The following HMCN1 variants were observed in gnomAD, a reference collection of about 807,000 sequenced individuals.
The protein encoded by HMCN1 is hemicentin 1, also known as hemicentin-1.
HMCN1 carries 321 observed loss-of-function variants against 625.9 expected under a neutral mutation model. That is an observed-to-expected ratio of 0.51 (90% CI 0.47 to 0.56). The LOEUF (loss-of-function observed/expected upper bound fraction) is 0.56, where lower values mean the gene tolerates loss of function less well. Ranked by LOEUF, HMCN1 falls within the 20% of genes least tolerant of loss-of-function variation. HMCN1 has a pLI of 0.00. For missense variants in HMCN1, 6,588 were observed against 6,887.3 expected (o/e 0.96, Z 1.54); for synonymous variants, 2,425 against 2,417.6 (o/e 1.00, Z -0.09).
At chr1:185,916,057 C>T (rs73062161) in intron 6 of HMCN1, among the ~76,000 whole-genome samples, 13,886 of 150,468 alleles carry the variant, frequency 0.092, 2,116 homozygotes, top group African/African-American at 0.32. Context: ...TGTGCATATG[C>T]GTGTGTGCAT....
chr1:186,153,108 ATTTG>A (rs1333467882), intron 96 of HMCN1, among the ~76,000 whole-genome samples: 6 of 152,236 alleles, frequency 3.9e-5, no homozygotes, highest in Non-Finnish European at 8.8e-5. Flanking sequence ...GATGTAAGGC[ATTTG>A]TTTAATTTTC....
chr1:186,061,058 C>G (rs545915254), intron 46 of HMCN1, among the ~76,000 whole-genome samples: 2 of 152,226 alleles, frequency 1.3e-5, no homozygotes, highest in East Asian at 1.9e-4. Flanking sequence ...TTTTCTCCAC[C>G]TGCTCTGCTT....
chr1:186,001,574 G>T lies in HMCN1; in HGVS notation c.4201-20G>T. Reference sequence around the variant, plus strand: ...TTTTATTAGGATTGGAAATAACACTGACCATTTTGGCCCTTAAAGGTGACT... The same window carrying T: ...TTTTATTAGGATTGGAAATAACACTTACCATTTTGGCCCTTAAAGGTGACT... On this transcript the variant is annotated intron_variant, in intron 27 of 106. Coordinates refer to ENST00000271588, the MANE Select transcript of HMCN1 (RefSeq NM_031935.3). 1.2e-6 allele frequency: 2 copies of T among 1,612,560 alleles called. No homozygotes were observed. Among genetic ancestry groups the T allele is most frequent in the South Asian group, 1.1e-5 (1 of 90,972 alleles).
intron 6 of HMCN1, among the ~76,000 whole-genome samples, chr1:185,915,055 T>A (rs752116366): frequency 6.6e-5 from 10 of 152,052 alleles, no homozygotes; most frequent in African/African-American, 9.7e-5. Context: ...TTTCTTTTCT[T>A]CTGTGATTTT....
Position 185,928,580 on chromosome 1 carries a change from G to T in HMCN1, c.1465G>T (p.Val489Phe), listed in dbSNP as rs779498240. Residue 489 changes from valine (V) to phenylalanine (F), a missense_variant, in exon 10 of 107, where the codon GTC (valine) becomes TTC (phenylalanine). By Grantham distance (50) the Val-to-Phe change is conservative. This residue lies in a region of HMCN1 where 4,628 missense variants were observed against 4,853.1 expected (regional missense o/e 0.95). Coordinates refer to ENST00000271588, the MANE Select transcript of HMCN1 (RefSeq NM_031935.3). ...CAGTGTGAACTTAGATATTGCAAAGGTCACTTTGTCTGACGAAGGTTTCTA... is the reference window on the plus strand; with the variant it reads ...CAGTGTGAACTTAGATATTGCAAAGTTCACTTTGTCTGACGAAGGTTTCTA... ...SASVNLDIAKVTLSDEGFYEC... is the reference protein window; with the variant it reads ...SASVNLDIAKFTLSDEGFYEC... 3 of 1,612,890 alleles carry T rather than the reference G, an allele frequency of 1.9e-6. No individual in the cohort carries two copies. Among genetic ancestry groups the T allele is most frequent in the Admixed American group, 1.7e-5 (1 of 59,996 alleles).
At chr1:185,898,881 C>G (rs1326599946) in intron 4 of HMCN1, among the ~76,000 whole-genome samples, 1 of 137,252 alleles carries the variant, frequency 7.3e-6, no homozygotes, top group African/African-American at 3.4e-5. Context: ...GGTCTTCAGA[C>G]AGCTAAAAAA....
At position 186,171,421 on chromosome 1, in the gene HMCN1, G is replaced by C. The variant is rs751381649; in HGVS notation, c.15659G>C (p.Gly5220Ala). 6.2e-7 allele frequency: 1 copy of C among 1,613,234 alleles called. No individual in the cohort carries two copies. Among genetic ancestry groups the C allele is most frequent in the Non-Finnish European group, 8.5e-7 (1 of 1,179,376 alleles). Residue 5220 changes from glycine (G) to alanine (A), a missense_variant, in exon 101 of 107, where the codon GGG (glycine) becomes GCG (alanine). Gly to Ala is a moderately conservative substitution (Grantham distance 60, BLOSUM62 0). Transcript: ENST00000271588. Reference sequence around the variant, plus strand: ...AGTTTCCATTGTGGATGTGAACCTGGGTATCAGCTCAAAGGCAGAAAATGC... The same window carrying C: ...AGTTTCCATTGTGGATGTGAACCTGCGTATCAGCTCAAAGGCAGAAAATGC... Reference protein sequence around the residue: ...IGSFHCGCEPGYQLKGRKCMD... With the variant: ...IGSFHCGCEPAYQLKGRKCMD...
chr1:185,999,957 A>G (rs1653064939), intron 25 of HMCN1, 88 bp from the exon 26 acceptor site: 1 of 927,152 alleles, frequency 1.1e-6, no homozygotes, highest in Admixed American at 2.3e-5. Context: ...TTGTCATAAC[A>G]AAAACTTTAT....
chr1:186,137,068 A>C (rs1172844545), intron 87 of HMCN1, 131 bp downstream of exon 87: 3 of 1,110,254 alleles, frequency 2.7e-6, no homozygotes, highest in Non-Finnish European at 4.0e-6. Context: ...AGAGGACAAA[A>C]TCATCAAAAT....
At chr1:186,099,165 T>C (rs1660278184) in intron 68 of HMCN1, among the ~76,000 whole-genome samples, 1 of 152,080 alleles carries the variant, frequency 6.6e-6, no homozygotes, top group Admixed American at 6.6e-5. Context: ...ATTTCAATGC[T>C]TTCACCACAA....
intron 2 of HMCN1, among the ~76,000 whole-genome samples, chr1:185,860,140 A>G (rs1477916940): frequency 6.6e-6 from 1 of 152,170 alleles, no homozygotes; most frequent in Non-Finnish European, 1.5e-5. Context: ...AGATAAACAC[A>G]TAGCTTTATT....
intron 20 of HMCN1, among the ~76,000 whole-genome samples, chr1:185,988,084 C>T (rs1466091241): frequency 6.6e-6 from 1 of 152,124 alleles, no homozygotes; most frequent in Non-Finnish European, 1.5e-5. Context: ...ATTCAAGTCT[C>T]AAGTAGGTGA....
chr1:186,108,996 G>A (rs1660754566), intron 71 of HMCN1, among the ~76,000 whole-genome samples: 1 of 152,160 alleles, frequency 6.6e-6, no homozygotes, highest in Admixed American at 6.5e-5. Flanking sequence ...CCTTGTCTAA[G>A]CTTGGACCTT....
chr1:185,952,338 G>A (rs929119956), intron 11 of HMCN1, among the ~76,000 whole-genome samples: 8 of 151,510 alleles, frequency 5.3e-5, no homozygotes, highest in Non-Finnish European at 1.2e-4. Context: ...GACCTAGCTC[G>A]GCCTGGAGAG....
chr1:185,872,245 T>A (rs1414085865), intron 4 of HMCN1, among the ~76,000 whole-genome samples: 1 of 152,192 alleles, frequency 6.6e-6, no homozygotes, highest in Non-Finnish European at 1.5e-5. Flanking sequence ...TTCAATGGAA[T>A]GCTTTCTTTC....
At chr1:185,868,927 G>T (rs1218917348) in intron 4 of HMCN1, among the ~76,000 whole-genome samples, 3 of 152,068 alleles carry the variant, frequency 2.0e-5, no homozygotes, top group African/African-American at 7.3e-5. Context: ...TTTAGCTATT[G>T]CAGAATAGCA....
intron 11 of HMCN1, among the ~76,000 whole-genome samples, chr1:185,944,220 T>C (rs1401478117): frequency 1.3e-5 from 2 of 152,064 alleles, no homozygotes; most frequent in Non-Finnish European, 2.9e-5. Context: ...ATGAGAGTAC[T>C]TACCAAAAAC....
At chr1:185,893,487 C>G (rs1665279723) in intron 4 of HMCN1, among the ~76,000 whole-genome samples, 1 of 152,144 alleles carries the variant, frequency 6.6e-6, no homozygotes, top group African/African-American at 2.4e-5. Flanking sequence ...TCAGTGTGTA[C>G]TGTATTAACA....
chr1:185,888,341 T>C (rs1331015126), intron 4 of HMCN1, among the ~76,000 whole-genome samples: 1 of 143,154 alleles, frequency 7.0e-6, no homozygotes, highest in Admixed American at 6.7e-5. Context: ...TTTTGTCTTT[T>C]GTTGCCATTG....
Sources: gnomAD v4.1 joint callset for allele counts (sites outside exome capture counted in the v4.1 genomes callset) on GRCh38, gnomAD v4.1.1 for gene constraint, gnomAD v4.1.1 regional missense constraint, MANE v1.5 for transcripts, NCBI Gene and HGNC (gene_info 2026-07-23, HGNC 2026-07-21) for gene names.